Variants in FLNB observed in about 807,000 individuals in gnomAD.
The protein encoded by FLNB is filamin B, also known as filamin-B.
A neutral mutation model predicts 250.6 loss-of-function variants in FLNB; 111 were observed. The observed-to-expected ratio is 0.44, with a 90% CI of 0.38 to 0.52. FLNB has a LOEUF of 0.52. Among genes scored for constraint, FLNB ranks in the 20% least tolerant of loss-of-function variants. The probability of loss-of-function intolerance (pLI) is 0.00; values close to 1 mark genes in which losing one functional copy is unlikely to be tolerated. For synonymous variants in FLNB, 1,302 were observed against 1,372.1 expected (o/e 0.95, Z 1.13); for missense variants, 2,869 against 3,447.8 (o/e 0.83, Z 4.20).
At chr3:58,129,879 C>T (rs893519029) in intron 24 of FLNB, among the ~76,000 whole-genome samples, 4 of 152,190 alleles carry the variant, frequency 2.6e-5, no homozygotes, top group Admixed American at 2.6e-4. Flanking sequence ...ACAGTGGAGT[C>T]CATGAGTGTC....
At chr3:58,055,195 G>A (rs187079896) in intron 1 of FLNB, among the ~76,000 whole-genome samples, 19 of 152,214 alleles carry the variant, frequency 1.2e-4, no homozygotes, top group Admixed American at 4.6e-4. Flanking sequence ...GAACCCAGAA[G>A]GCAGAGGTTG....
In FLNB at chr3:58,150,394, C is replaced by G. The variant is rs2097342950; in HGVS notation, c.6367+167C>G. ...CATTATGTTCTTCTATGTTTATTTT[C>G]ACAGAGTCTCATCCAAGAAAAACAA... On this transcript the variant is annotated intron_variant, in intron 38 of 45. Coordinates refer to ENST00000295956, the MANE Select transcript of FLNB (RefSeq NM_001457.4). 5 of 754,782 alleles carry G rather than the reference C, an allele frequency of 6.6e-6. No individual in the cohort carries two copies. The Admixed American group carries it at 7.4e-5, about 11-fold the overall frequency. The allele number at this position is 754,782 out of a possible 1,614,324, so 46.8% of individuals were successfully genotyped here. A position where few individuals can be genotyped will look rare whatever the true frequency, so the allele number is the denominator to read the frequency against.
At chr3:58,030,033 C>CT (rs1179225012) in intron 1 of FLNB, among the ~76,000 whole-genome samples, 1 of 152,206 alleles carries the variant, frequency 6.6e-6, no homozygotes, top group Non-Finnish European at 1.5e-5. Context: ...TAATCTTACA[C>CT]TTCCCCAATG....
chr3:58,149,125 TG>T, intron 36 of FLNB: 1 of 468,364 alleles, frequency 2.1e-6, no homozygotes, highest in Non-Finnish European at 3.9e-6. Flanking sequence ...CGCAAACCCC[TG>T]TTTTCTTATC....
chr3:58,097,572 TA>T (rs891653362), intron 6 of FLNB, among the ~76,000 whole-genome samples: 6 of 152,310 alleles, frequency 3.9e-5, no homozygotes, highest in Admixed American at 1.3e-4. Context: ...TAAGTGTATA[TA>T]AGGTCAGCAT....
At chr3:58,141,634 G>A (rs751338283) in intron 29 of FLNB, among the ~76,000 whole-genome samples, 19 of 152,212 alleles carry the variant, frequency 1.2e-4, no homozygotes, top group Non-Finnish European at 2.1e-4. Context: ...TTAGGTCTGC[G>A]TGCTACAAGT....
Position 58,108,456 on chromosome 3 carries a change from A to C in FLNB, c.1942-2A>C, listed in dbSNP as rs2097263324. 6.2e-7 allele frequency: 1 copy of C among 1,603,834 alleles called. No individual in the cohort carries two copies. The highest frequency in any genetic ancestry group is 1.7e-5 in the Admixed American group (1 of 59,968). Reference sequence around the variant, plus strand: ...GAGACTTACTATCTGCCTTTGCTTCAGGTTCGAGCATACGGGCCAGGTTTG... The same window carrying C: ...GAGACTTACTATCTGCCTTTGCTTCCGGTTCGAGCATACGGGCCAGGTTTG... On this transcript the variant is annotated splice_acceptor_variant, in intron 12 of 45. Transcript: ENST00000295956. LOFTEE classifies it high-confidence loss of function.
intron 39 of FLNB, among the ~76,000 whole-genome samples, chr3:58,154,309 G>A (rs71311840): frequency 0.1 from 15,899 of 152,128 alleles, 949 homozygotes; most frequent in African/African-American, 0.12. Flanking sequence ...TTGCAAGGCC[G>A]AGGCAGGCAG....
chr3:58,075,418 G>T (rs937923114), intron 1 of FLNB, among the ~76,000 whole-genome samples: 1 of 152,210 alleles, frequency 6.6e-6, no homozygotes, highest in Non-Finnish European at 1.5e-5. Flanking sequence ...CAAAGGGATA[G>T]AGAACATGTG....
chr3:58,111,907 T>C, intron 17 of FLNB, 26 bp downstream of exon 17: 1 of 1,580,924 alleles, frequency 6.3e-7, no homozygotes, highest in Non-Finnish European at 8.7e-7. Context: ...TAGGTTGTCC[T>C]GGGCCCCTCT....
At chr3:58,069,239 T>C (rs2097190608) in intron 1 of FLNB, among the ~76,000 whole-genome samples, 4 of 144,004 alleles carry the variant, frequency 2.8e-5, no homozygotes, top group African/African-American at 1.0e-4. Flanking sequence ...ATTCTTTTTT[T>C]TTTTTTTTTT....
In FLNB at chr3:58,171,174, T is replaced by A. The variant is rs575645347; in HGVS notation, c.*412T>A. On this transcript the variant is annotated 3_prime_UTR_variant, in exon 46 of 46. Transcript: ENST00000295956. The surrounding 1 kb of genome is among the most constrained non-coding windows in gnomAD (Gnocchi z 5.5). ...GGGCAGAGAAAAAGGGGACACCTAG[T>A]TTGGTTGTCATTTGGCAAAGGAGAT... The A allele has an allele frequency of 4.3e-6, 1 of 230,472 alleles. No individual in the cohort carries two copies. Among genetic ancestry groups the A allele is most frequent in the Non-Finnish European group, 8.6e-6 (1 of 116,582 alleles). 14.3% of individuals were successfully genotyped at this position (230,472 alleles called of 1,614,324 possible). A position where few individuals can be genotyped will look rare whatever the true frequency, so the allele number is the denominator to read the frequency against.
In FLNB at chr3:58,111,481, G is replaced by A. The variant is rs117626092; in HGVS notation, c.2485-310G>A. Reference sequence around the variant, plus strand: ...TCCCCCAGCCCCATGTATTATTGTCGTTTTTGGTTTTATTCTTGTTGGCAT... The same window carrying A: ...TCCCCCAGCCCCATGTATTATTGTCATTTTTGGTTTTATTCTTGTTGGCAT... On this transcript the variant is annotated intron_variant, in intron 16 of 45. Transcript: ENST00000295956. Among the ~76,000 whole-genome samples the A allele has an allele frequency of 9.2e-3, 1,405 of 152,130 alleles. 23 individuals are homozygous for A. The highest frequency in any genetic ancestry group is 0.059 in the East Asian group (307 of 5,176).
At chr3:58,066,337 G>A (rs1228221058) in intron 1 of FLNB, among the ~76,000 whole-genome samples, 1 of 150,632 alleles carries the variant, frequency 6.6e-6, no homozygotes, top group Non-Finnish European at 1.5e-5. Context: ...CTCCTGCCTC[G>A]GCCTTCTGAG....
intron 1 of FLNB, among the ~76,000 whole-genome samples, chr3:58,037,628 C>T (rs1418771615): frequency 6.6e-6 from 1 of 152,202 alleles, no homozygotes; most frequent in African/African-American, 2.4e-5. Context: ...CAGCACTGTG[C>T]ACACAAATTA....
chr3:58,142,656 G>A lies in FLNB; in HGVS notation c.5188G>A (p.Glu1730Lys), dbSNP rs773991765. Residue 1730 changes from glutamate (E) to lysine (K), a missense_variant, in exon 31 of 46, where the codon GAA becomes AAA. By Grantham distance (56) the Glu-to-Lys change is moderately conservative. This residue lies in a region of FLNB where 1,084 missense variants were observed against 1,315.5 expected (regional missense o/e 0.82). Coordinates refer to ENST00000295956, the MANE Select transcript of FLNB (RefSeq NM_001457.4). This position sits in a 1 kb window ranked among gnomAD's most constrained non-coding sequence, Gnocchi z 4.3. ...CPPGFRPWVTEEAYVPVSDMN... is the reference protein window; with the variant it reads ...CPPGFRPWVTKEAYVPVSDMN... ...CACTGCCTTCTGTTTTTAGGTGACC[G>A]AAGAGGCCTATGTCCCAGTGAGTGA... 1.4e-5 allele frequency: 22 copies of A among 1,613,810 alleles called. No homozygotes were observed. The highest frequency in any genetic ancestry group is 5.0e-5 in the Admixed American group (3 of 60,006).
intron 1 of FLNB, among the ~76,000 whole-genome samples, chr3:58,058,911 G>A (rs1490444037): frequency 2.0e-5 from 3 of 152,212 alleles, no homozygotes; most frequent in African/African-American, 7.2e-5. Flanking sequence ...AGGATCTGAA[G>A]AGCAGTTTAA....
intron 38 of FLNB, chr3:58,150,461 G>T: frequency 1.7e-6 from 1 of 580,140 alleles, no homozygotes; most frequent in Non-Finnish European, 3.1e-6. Context: ...AATAAAAATA[G>T]CTTTATTGTG....
At chr3:58,013,975 A>G (rs1359417199) in intron 1 of FLNB, among the ~76,000 whole-genome samples, 1 of 152,234 alleles carries the variant, frequency 6.6e-6, no homozygotes, top group Non-Finnish European at 1.5e-5. Flanking sequence ...CTAAGTAGCT[A>G]TTAGAAACTT....
Sources: gnomAD v4.1 joint callset for allele counts (sites outside exome capture counted in the v4.1 genomes callset) on GRCh38, gnomAD v4.1.1 for gene constraint, gnomAD v4.1.1 regional missense constraint, Gnocchi (gnomAD v3.1) non-coding constraint, MANE v1.5 for transcripts, NCBI Gene and HGNC (gene_info 2026-07-23, HGNC 2026-07-21) for gene names.